Variants in DLG5 observed in about 807,000 individuals in gnomAD.
The protein encoded by DLG5 is discs large MAGUK scaffold protein 5.
Under a neutral mutation model 189.8 loss-of-function variants are expected in DLG5, and 48 were observed. The ratio of observed to expected loss-of-function variants is 0.25; its 90% CI spans 0.20 to 0.32. The LOEUF (loss-of-function observed/expected upper bound fraction) is 0.32. Ranked by LOEUF, DLG5 falls within the 10% of genes least tolerant of loss-of-function variation. The probability of loss-of-function intolerance (pLI) is 1.00; values close to 1 mark genes in which losing one functional copy is unlikely to be tolerated. For synonymous variants in DLG5, 1,016 were observed against 1,054.1 expected (o/e 0.96, Z 0.70); for missense variants, 2,160 against 2,544.7 (o/e 0.85, Z 3.25).
intron 17 of DLG5, among the ~76,000 whole-genome samples, chr10:77,818,103 A>G (rs778410325): frequency 1.6e-4 from 25 of 152,268 alleles, no homozygotes; most frequent in Non-Finnish European, 2.8e-4. Flanking sequence ...GGCCACACAC[A>G]TGGGGCGGTC....
At chr10:77,918,801 C>T (rs1429657179) in intron 1 of DLG5, among the ~76,000 whole-genome samples, 3 of 152,196 alleles carry the variant, frequency 2.0e-5, no homozygotes, top group Non-Finnish European at 4.4e-5. Flanking sequence ...CAGCTCAGCC[C>T]TCTTTCTCTA....
intron 19 of DLG5, 81 bp downstream of exon 19, chr10:77,816,926 T>G (rs1204459600): frequency 6.6e-7 from 1 of 1,512,018 alleles, no homozygotes. Context: ...TATGAAGTTC[T>G]CAGCTAAGCC....
At chr10:77,868,023 C>T in intron 2 of DLG5, 1 of 456,672 alleles carries the variant, frequency 2.2e-6, no homozygotes, top group Non-Finnish European at 4.4e-6. Flanking sequence ...CAAGGATTAC[C>T]AGCAAGCCAC....
chr10:77,795,598 C>T (rs1840870694), intron 29 of DLG5, among the ~76,000 whole-genome samples: 1 of 152,160 alleles, frequency 6.6e-6, no homozygotes, highest in Admixed American at 6.5e-5. Context: ...TCCCCACAGA[C>T]GTCCCCGCCC....
chr10:77,843,336 GC>G lies in DLG5; in HGVS notation c.1124+110del, dbSNP rs1843518529. On this transcript the variant is annotated intron_variant, in intron 6 of 31. Transcript: ENST00000372391. ...AAAAAAAAATGTTTCCTGGTCAGAA[GC>G]ATTTTTTGATTGAAAAAGCACAATA... The G allele has an allele frequency of 1.3e-5, 18 of 1,361,310 alleles. No homozygotes were observed. In the South Asian group the frequency reaches 2.5e-4, roughly 19 times the overall value. The allele number at this position is 1,361,310 out of a possible 1,614,324, so 84.3% of individuals were successfully genotyped here. A position where few individuals can be genotyped will look rare whatever the true frequency, so the allele number is the denominator to read the frequency against.
chr10:77,932,652 C>T, the DLG5 span, among the ~76,000 whole-genome samples: 1 of 152,128 alleles, frequency 6.6e-6, no homozygotes, highest in African/African-American at 2.4e-5. Context: ...AAAGGAGAAG[C>T]ATCAGAAGCA....
At chr10:77,901,500 A>C (rs539770967) in intron 1 of DLG5, among the ~76,000 whole-genome samples, 64 of 152,218 alleles carry the variant, frequency 4.2e-4, no homozygotes, top group Non-Finnish European at 6.3e-4. Flanking sequence ...GCACATCCAC[A>C]CAGTGCAGCT....
At chr10:77,824,766 C>G (rs549263316) in intron 13 of DLG5, 1 of 354,056 alleles carries the variant, frequency 2.8e-6, no homozygotes, top group Non-Finnish European at 5.1e-6. Context: ...CTGCTGTGCC[C>G]GGCCATGTGG....
At chr10:77,868,831 A>C (rs1175868803) in intron 2 of DLG5, 9 of 439,762 alleles carry the variant, frequency 2.0e-5, no homozygotes, top group Non-Finnish European at 3.3e-5. Context: ...AGTTACTACA[A>C]GGCCTTTGGG....
intron 24 of DLG5, among the ~76,000 whole-genome samples, chr10:77,809,052 T>C (rs985167406): frequency 6.0e-5 from 9 of 149,696 alleles, no homozygotes; most frequent in Admixed American, 4.7e-4. Flanking sequence ...TGAGTTGAGA[T>C]TGCACCACTG....
rs938224763 is a variant in DLG5, at chr10:77,839,921, A to T, written c.1437+1960T>A. On this transcript the variant is annotated intron_variant, in intron 7 of 31. Coordinates refer to ENST00000372391, the MANE Select transcript of DLG5 (RefSeq NM_004747.4). ...CTGGCCCATTTTTACCCACAGAAACAGTTTAATGAGGTTCACCCTAATCCT... is the reference window on the plus strand; with the variant it reads ...CTGGCCCATTTTTACCCACAGAAACTGTTTAATGAGGTTCACCCTAATCCT... Among the ~76,000 whole-genome samples, 5 of 152,222 alleles carry T rather than the reference A, an allele frequency of 3.3e-5. No individual in the cohort carries two copies. In the East Asian group the frequency reaches 9.6e-4, roughly 29 times the overall value.
At chr10:77,801,869 A>G (rs1333229252) in intron 27 of DLG5, among the ~76,000 whole-genome samples, 1 of 152,180 alleles carries the variant, frequency 6.6e-6, no homozygotes, top group African/African-American at 2.4e-5. Context: ...AAAAGAAGCG[A>G]TGATTCAGTT....
chr10:77,805,590 C>T (rs992522838), intron 27 of DLG5, 75 bp downstream of exon 27: 13 of 1,467,850 alleles, frequency 8.9e-6, no homozygotes, highest in Middle Eastern at 2.3e-4. Flanking sequence ...TTGTTTAAGT[C>T]CCTGTTGTGG....
At chr10:77,919,709 G>GT (rs1202633415) in intron 1 of DLG5, among the ~76,000 whole-genome samples, 2 of 150,714 alleles carry the variant, frequency 1.3e-5, no homozygotes, top group African/African-American at 4.9e-5. Flanking sequence ...GACAGCGTGG[G>GT]TGCTCCACAT....
chr10:77,798,423 A>C (rs1841037438), intron 27 of DLG5, among the ~76,000 whole-genome samples: 1 of 151,974 alleles, frequency 6.6e-6, no homozygotes, highest in African/African-American at 2.4e-5. Flanking sequence ...TCCTCTCTGT[A>C]ACAAATCTGA....
rs369159923 is a variant in DLG5, at chr10:77,898,259, C to T, written c.304+27958G>A. Among the ~76,000 whole-genome samples the T allele has an allele frequency of 2.4e-4, 36 of 152,398 alleles. No homozygotes were observed. In the East Asian group the frequency reaches 3.1e-3, roughly 13 times the overall value. On this transcript the variant is annotated intron_variant, in intron 1 of 31. Transcript: ENST00000372391. ...TGGATTCTGTTTCCACATCTCCACC[C>T]TCTACCACACGTGGACTCTGCAGTT...
At position 77,913,854 on chromosome 10, in the gene DLG5, G is replaced by A. The variant is rs370581646; in HGVS notation, c.304+12363C>T. ...TCCTCCTGTCTCGACCTCCTAAAGC[G>A]CTGGGATTACAGGTATAAGCCACCA... On this transcript the variant is annotated intron_variant, in intron 1 of 31. Transcript: ENST00000372391. 1.4e-3 allele frequency among the ~76,000 whole-genome samples: 215 copies of A among 152,156 alleles called. 1 individual carries two copies. Among genetic ancestry groups the A allele is most frequent in the African/African-American group, 4.7e-3 (197 of 41,516 alleles).
chr10:77,895,178 C>A (rs552907273), intron 1 of DLG5, among the ~76,000 whole-genome samples: 1 of 152,282 alleles, frequency 6.6e-6, no homozygotes, highest in South Asian at 2.1e-4. Context: ...AGACCCTCAC[C>A]CGCAGGGCAG....
At chr10:77,857,753 C>G (rs11002316) in intron 2 of DLG5, among the ~76,000 whole-genome samples, 41,308 of 152,126 alleles carry the variant, frequency 0.27, 6,322 homozygotes, top group Non-Finnish European at 0.35. Context: ...TATATTGAAC[C>G]CTGTCAATAT....
Sources: allele counts gnomAD v4.1 joint callset (sites outside exome capture counted in the v4.1 genomes callset), GRCh38; gene constraint gnomAD v4.1.1; transcripts MANE v1.5; gene names NCBI Gene and HGNC (gene_info 2026-07-23, HGNC 2026-07-21).